Variants in TCF12 observed in about 807,000 individuals in gnomAD.
TCF12 encodes DNA-binding protein HTF4.
A neutral mutation model predicts 86.0 loss-of-function variants in TCF12; 45 were observed. The observed-to-expected ratio is 0.52, with a 90% CI of 0.41 to 0.67. TCF12 has a LOEUF of 0.67. TCF12 is among the 30% of genes least tolerant of loss of function. TCF12 has a pLI of 0.00. For missense variants in TCF12, 881 were observed against 859.9 expected (o/e 1.02, Z -0.31); for synonymous variants, 330 against 299.6 (o/e 1.10, Z -1.05).
In TCF12 at chr15:57,243,542, C is replaced by G; in HGVS notation, c.1106C>G (p.Pro369Arg). 1 of 1,613,566 alleles carries G rather than the reference C, an allele frequency of 6.2e-7. No individual in the cohort carries two copies. The highest frequency in any genetic ancestry group is 8.5e-7 in the Non-Finnish European group (1 of 1,179,546). ...TCAACACCAGTTGGATCACCTTCACCTCTCACAGGTAGGCTTCTGTTTTAT... is the reference window on the plus strand; with the variant it reads ...TCAACACCAGTTGGATCACCTTCACGTCTCACAGGTAGGCTTCTGTTTTAT... ...NPSTPVGSPS[P>R]LTGTSQWPRP... Residue 369 changes from proline to arginine, a missense_variant, in exon 13 of 21, where the codon CCT becomes CGT. By Grantham distance (103) the Pro-to-Arg change is moderately radical (BLOSUM62 -2). This residue lies in a region of TCF12 where 766 missense variants were observed against 718.9 expected (regional missense o/e 1.07). Transcript: ENST00000333725.
At chr15:57,183,349 T>C (rs2056474488) in intron 6 of TCF12, among the ~76,000 whole-genome samples, 1 of 152,206 alleles carries the variant, frequency 6.6e-6, no homozygotes, top group Non-Finnish European at 1.5e-5. Flanking sequence ...TTTTGCTAAA[T>C]CATTTGAGAA....
At chr15:57,275,361 T>TGTAC in intron 19 of TCF12, among the ~76,000 whole-genome samples, 1 of 149,102 alleles carries the variant, frequency 6.7e-6, no homozygotes, top group East Asian at 2.0e-4. Flanking sequence ...TGTGTGTGTG[T>TGTAC]GTACGTATGT....
chr15:57,279,140 G>A (rs1474385199), intron 19 of TCF12, among the ~76,000 whole-genome samples: 1 of 151,870 alleles, frequency 6.6e-6, no homozygotes, highest in Non-Finnish European at 1.5e-5. Flanking sequence ...GACTACAGGT[G>A]GGTACCAGCA....
intron 8 of TCF12, chr15:57,219,477 A>T: frequency 6.3e-7 from 1 of 1,595,380 alleles, no homozygotes; most frequent in Non-Finnish European, 8.6e-7. Context: ...TCTTGGAGAG[A>T]GGCTGTGTGC....
At chr15:57,266,761 G>T (rs1183688670) in intron 18 of TCF12, among the ~76,000 whole-genome samples, 1 of 152,136 alleles carries the variant, frequency 6.6e-6, no homozygotes, top group African/African-American at 2.4e-5. Context: ...GTTAGGCCAG[G>T]CACAGTGGCT....
intron 4 of TCF12, among the ~76,000 whole-genome samples, chr15:57,086,212 GATAATAATAATA>G (rs60173159): frequency 1.4e-5 from 2 of 141,616 alleles, no homozygotes; most frequent in Admixed American, 1.4e-4. Flanking sequence ...GGATGATGAT[GATAATAATAATA>G]ATAATAATAA....
chr15:57,144,387 C>T (rs75080231), intron 5 of TCF12, among the ~76,000 whole-genome samples: 74 of 152,258 alleles, frequency 4.9e-4, no homozygotes, highest in Non-Finnish European at 9.0e-4. Flanking sequence ...CAGAACAGGG[C>T]GTATTCCTGA....
intron 8 of TCF12, among the ~76,000 whole-genome samples, chr15:57,201,080 A>G (rs1245834768): frequency 1.3e-5 from 2 of 152,182 alleles, no homozygotes; most frequent in East Asian, 3.8e-4. Flanking sequence ...CTTCCTCCTG[A>G]TGAAGAAGTG....
At chr15:57,169,545 T>A (rs1488872097) in intron 6 of TCF12, among the ~76,000 whole-genome samples, 1 of 152,146 alleles carries the variant, frequency 6.6e-6, no homozygotes, top group East Asian at 1.9e-4. Flanking sequence ...TATGAAAACA[T>A]TTCAAAAAAT....
intron 3 of TCF12, among the ~76,000 whole-genome samples, chr15:57,030,597 G>T (rs1210379386): frequency 6.6e-6 from 1 of 151,928 alleles, no homozygotes; most frequent in African/African-American, 2.4e-5. Flanking sequence ...GAAAGATTTT[G>T]GATATGTGGA....
chr15:57,269,959 A>T, intron 18 of TCF12, among the ~76,000 whole-genome samples: 1 of 152,146 alleles, frequency 6.6e-6, no homozygotes, highest in South Asian at 2.1e-4. Flanking sequence ...TTTGTGGGTA[A>T]TCCAACCTTT....
chr15:57,236,259 T>C lies in TCF12; in HGVS notation c.1035+2152T>C, dbSNP rs376194408. ...CCCAAATACATTCTTTTTCCAACTT[T>C]CCTTACAGACTCGCATTCACTTTAA... On this transcript the variant is annotated intron_variant, in intron 12 of 20. Transcript: ENST00000333725. Among the ~76,000 whole-genome samples, 9 of 152,314 alleles carry C rather than the reference T, an allele frequency of 5.9e-5. No individual in the cohort carries two copies. The South Asian group carries it at 1.4e-3, about 25-fold the overall frequency.
At chr15:56,962,318 T>G (rs1042479427) in intron 3 of TCF12, among the ~76,000 whole-genome samples, 1 of 152,222 alleles carries the variant, frequency 6.6e-6, no homozygotes, top group Non-Finnish European at 1.5e-5. Flanking sequence ...TTGTCAGTGC[T>G]GCTTAGCAGA....
chr15:57,042,844 ATTGTT>A (rs2066986836), intron 3 of TCF12, among the ~76,000 whole-genome samples: 1 of 152,166 alleles, frequency 6.6e-6, no homozygotes, highest in Non-Finnish European at 1.5e-5. Context: ...CTATGTGCAC[ATTGTT>A]TTACAGCAGA....
chr15:57,240,131 G>A (rs1410374907), intron 12 of TCF12, among the ~76,000 whole-genome samples: 2 of 152,140 alleles, frequency 1.3e-5, no homozygotes, highest in Non-Finnish European at 2.9e-5. Flanking sequence ...TCACTTAAAT[G>A]GAAATTCCTG....
intron 3 of TCF12, among the ~76,000 whole-genome samples, chr15:56,946,690 T>C (rs940080533): frequency 4.6e-5 from 7 of 152,094 alleles, no homozygotes; most frequent in African/African-American, 1.7e-4. Context: ...TCATTTTTTG[T>C]TTTTTAGAGA....
At chr15:57,111,547 T>C (rs1442969623) in intron 5 of TCF12, among the ~76,000 whole-genome samples, 1 of 151,572 alleles carries the variant, frequency 6.6e-6, no homozygotes, top group African/African-American at 2.4e-5. Context: ...TTAGTTTGCC[T>C]GTGTGGTGCA....
chr15:56,986,407 A>G (rs1315985074), intron 3 of TCF12, among the ~76,000 whole-genome samples: 2 of 152,074 alleles, frequency 1.3e-5, no homozygotes, highest in African/African-American at 4.8e-5. Context: ...ATAGGCTTTT[A>G]TGTATGATCT....
intron 4 of TCF12, among the ~76,000 whole-genome samples, chr15:57,082,691 C>G (rs1260340827): frequency 6.6e-6 from 1 of 152,090 alleles, no homozygotes; most frequent in African/African-American, 2.4e-5. Flanking sequence ...CATGATGCAG[C>G]AAGAGATATG....
Sources: gnomAD v4.1 joint callset for allele counts (sites outside exome capture counted in the v4.1 genomes callset) on GRCh38, gnomAD v4.1.1 for gene constraint, gnomAD v4.1.1 regional missense constraint, MANE v1.5 for transcripts, NCBI Gene and HGNC (gene_info 2026-07-23, HGNC 2026-07-21) for gene names.